The following VPS39 variants were observed in gnomAD, a reference collection of about 807,000 sequenced individuals.
The protein encoded by VPS39 is vam6/Vps39-like protein.
VPS39 carries 70 observed loss-of-function variants against 121.0 expected under a neutral mutation model. That is an observed-to-expected ratio of 0.58 (90% CI 0.48 to 0.71). The LOEUF (loss-of-function observed/expected upper bound fraction) is 0.71, where lower values mean the gene tolerates loss of function less well. Ranked by LOEUF, VPS39 falls within the 30% of genes least tolerant of loss-of-function variation. The probability of loss-of-function intolerance (pLI) is 0.00; values close to 1 mark genes in which losing one functional copy is unlikely to be tolerated. For missense variants in VPS39, 818 were observed against 1,051.5 expected (o/e 0.78, Z 3.07); for synonymous variants, 378 against 398.1 (o/e 0.95, Z 0.60).
intron 12 of VPS39, 128 bp downstream of exon 12, chr15:42,169,596 G>A (rs1414699033): frequency 3.8e-6 from 4 of 1,063,558 alleles, no homozygotes; most frequent in Middle Eastern, 6.7e-4. Flanking sequence ...TTTACCCCAG[G>A]CAGACTTCCT....
rs376690393 is a variant in VPS39, at chr15:42,191,429, A to G, written c.204+67T>C. The stretch of plus-strand genomic sequence containing the variant: ...TTCAGAGTTAATAAATAACATTACC[A>G]AAGTTCTAGTCTGACAGGGTCTCAT... On this transcript the variant is annotated intron_variant, in intron 3 of 24. Transcript: ENST00000318006. The G allele has an allele frequency of 2.0e-6, 3 of 1,485,262 alleles. No individual in the cohort carries two copies. The African/African-American group carries it at 4.2e-5, about 21-fold the overall frequency. The allele number at this position is 1,485,262 out of a possible 1,614,324, so 92.0% of individuals were successfully genotyped here. A position where few individuals can be genotyped will look rare whatever the true frequency, so the allele number is the denominator to read the frequency against.
In VPS39 at chr15:42,178,257, A is replaced by T; in HGVS notation, c.921T>A (p.Leu307=). The change falls in exon 10 of 25, where the codon CTT becomes CTA. Residue 307 remains leucine (L), a synonymous_variant. Coordinates refer to ENST00000318006, the MANE Select transcript of VPS39 (RefSeq NM_015289.5). The part of the protein sequence containing the change: ...PVPMATQIQQ[L]LQDKQFELAL... Reference sequence around the variant, plus strand: ...CCAATTCAAACTGCTTGTCCTGGAGAAGTTGTTGGATTTGGGTTGCCATGG... The same window carrying T: ...CCAATTCAAACTGCTTGTCCTGGAGTAGTTGTTGGATTTGGGTTGCCATGG... 1 of 1,614,136 alleles carries T rather than the reference A, an allele frequency of 6.2e-7. No individual in the cohort carries two copies. The highest frequency in any genetic ancestry group is 8.5e-7 in the Non-Finnish European group (1 of 1,180,026).
Position 42,162,831 on chromosome 15 carries a change from T to C in VPS39, c.2176-350A>G, listed in dbSNP as rs554873730. Among the ~76,000 whole-genome samples the C allele has an allele frequency of 2.0e-5, 3 of 152,302 alleles. No homozygotes were observed. In the East Asian group the frequency reaches 5.8e-4, roughly 29 times the overall value. On this transcript the variant is annotated intron_variant, in intron 21 of 24. Coordinates refer to ENST00000318006, the MANE Select transcript of VPS39 (RefSeq NM_015289.5). ...TTTTGCAGGTGGGGATATCCTAAGGTGAGATGCTGCATTGCCTACTGGTGC... is the reference window on the plus strand; with the variant it reads ...TTTTGCAGGTGGGGATATCCTAAGGCGAGATGCTGCATTGCCTACTGGTGC...
chr15:42,183,103 T>G (rs1473264816), intron 8 of VPS39, among the ~76,000 whole-genome samples: 1 of 147,988 alleles, frequency 6.8e-6, no homozygotes, highest in African/African-American at 2.5e-5. Context: ...TGATGTGTTT[T>G]TTGTTTTTTT....
intron 1 of VPS39, among the ~76,000 whole-genome samples, chr15:42,207,151 G>A (rs190877398): frequency 3.3e-5 from 5 of 151,876 alleles, no homozygotes; most frequent in African/African-American, 1.2e-4. Flanking sequence ...AACAGCTGAC[G>A]CACATGGTAT....
chr15:42,204,947 G>A (rs1395518962), intron 1 of VPS39, among the ~76,000 whole-genome samples: 1 of 152,058 alleles, frequency 6.6e-6, no homozygotes, highest in Admixed American at 6.6e-5. Flanking sequence ...TCAAGTTTGA[G>A]AACCAGGCTC....
intron 18 of VPS39, 121 bp downstream of exon 18, chr15:42,164,875 A>G: frequency 6.7e-7 from 1 of 1,495,720 alleles, no homozygotes; most frequent in Non-Finnish European, 8.9e-7. Flanking sequence ...GCTCCTCTTC[A>G]GAACTTCTGC....
chr15:42,162,511 G>A (rs372868471), intron 21 of VPS39, 30 bp from the exon 22 acceptor site: 9 of 1,565,096 alleles, frequency 5.8e-6, no homozygotes, highest in Non-Finnish European at 7.8e-6. Flanking sequence ...GCTACGTCAG[G>A]CTGGCAGCAA....
chr15:42,178,692 C>A, intron 8 of VPS39, 122 bp from the exon 9 acceptor site: 1 of 1,392,826 alleles, frequency 7.2e-7, no homozygotes, highest in South Asian at 1.3e-5. Flanking sequence ...AGTCAAATAT[C>A]AAGCCAGGAT....
chr15:42,173,832 G>C lies in VPS39; in HGVS notation c.981C>G (p.Asp327Glu). The C allele has an allele frequency of 6.2e-7, 1 of 1,614,160 alleles. No homozygotes were observed. Among genetic ancestry groups the C allele is most frequent in the South Asian group, 1.1e-5 (1 of 91,088 alleles). Reference protein sequence around the residue: ...LQLAEMKDDSDSEKQQQIHHI... With the variant: ...LQLAEMKDDSESEKQQQIHHI... ...GATGAATTTGTTGCTGCTTTTCACT[G>C]TCAGAATCATCTTTCATTTCCTAAT... The change falls in exon 11 of 25, where the codon GAC becomes GAG. Residue 327 changes from aspartate (D) to glutamate (E), a missense_variant. Asp to Glu is a conservative substitution (Grantham distance 45). Coordinates refer to ENST00000318006, the MANE Select transcript of VPS39 (RefSeq NM_015289.5).
At chr15:42,163,467 C>T in intron 20 of VPS39, 72 bp from the exon 21 acceptor site, 2 of 1,597,688 alleles carry the variant, frequency 1.3e-6, no homozygotes, top group Non-Finnish European at 1.7e-6. Flanking sequence ...GTGCGTGCAG[C>T]CTGCTCGAGC....
At chr15:42,171,010 T>C (rs370386225) in intron 11 of VPS39, among the ~76,000 whole-genome samples, 6 of 152,126 alleles carry the variant, frequency 3.9e-5, no homozygotes, top group African/African-American at 1.2e-4. Context: ...GCTGGGATTA[T>C]AGGCATGAGC....
chr15:42,187,473 G>T, intron 6 of VPS39, 110 bp from the exon 7 acceptor site: 1 of 970,454 alleles, frequency 1.0e-6, no homozygotes. Flanking sequence ...ACCCTCATCG[G>T]GCACAATTCT....
At chr15:42,192,710 C>T (rs775498813) in intron 2 of VPS39, among the ~76,000 whole-genome samples, 5 of 152,290 alleles carry the variant, frequency 3.3e-5, no homozygotes, top group Middle Eastern at 6.8e-3. Context: ...ACAATTCAGA[C>T]ACTTCCTACA....
At position 42,175,708 on chromosome 15, in the gene VPS39, A is replaced by C. The variant is rs2049439243; in HGVS notation, c.961-1856T>G. ...CTCCGCTCTCCTGCTTGGTGCTTCAAAGGCTTCCAAAACCTGGTGCCAGCT... is the reference window on the plus strand; with the variant it reads ...CTCCGCTCTCCTGCTTGGTGCTTCACAGGCTTCCAAAACCTGGTGCCAGCT... On this transcript the variant is annotated intron_variant, in intron 10 of 24. Transcript: ENST00000318006. Among the ~76,000 whole-genome samples, 3 of 151,784 alleles carry C rather than the reference A, an allele frequency of 2.0e-5. No individual in the cohort carries two copies. In the South Asian group the frequency reaches 6.3e-4, roughly 32 times the overall value.
chr15:42,167,994 T>C (rs1345968442), intron 12 of VPS39, among the ~76,000 whole-genome samples: 2 of 152,360 alleles, frequency 1.3e-5, no homozygotes, highest in East Asian at 3.9e-4. Flanking sequence ...TGTACATGCA[T>C]GTAACCACCT....
At chr15:42,203,984 A>C (rs2050118823) in intron 1 of VPS39, among the ~76,000 whole-genome samples, 1 of 151,870 alleles carries the variant, frequency 6.6e-6, no homozygotes. Flanking sequence ...GCCCTAAAAA[A>C]CTCCTGACGG....
Position 42,184,702 on chromosome 15 carries a change from T to C in VPS39, c.535-2A>G. ...TTTGATGGACCCCTTTCCATCCACC[T>C]ATAGGAAGAAACAGAGTGAGTCACC... is the stretch of plus-strand genomic sequence containing the variant. On this transcript the variant is annotated splice_acceptor_variant, in intron 7 of 24. Transcript: ENST00000318006. LOFTEE classifies it high-confidence loss of function. 2 of 1,607,768 alleles carry C rather than the reference T, an allele frequency of 1.2e-6. No homozygotes were observed. Among genetic ancestry groups the C allele is most frequent in the Non-Finnish European group, 1.7e-6 (2 of 1,177,016 alleles).
intron 24 of VPS39, 99 bp from the exon 25 acceptor site, chr15:42,160,928 C>A: frequency 1.6e-6 from 2 of 1,283,238 alleles, no homozygotes; most frequent in Non-Finnish European, 2.3e-6. Flanking sequence ...GCTGGGGGGC[C>A]ATTCCAAAAG....
Sources: allele counts gnomAD v4.1 joint callset (sites outside exome capture counted in the v4.1 genomes callset), GRCh38; gene constraint gnomAD v4.1.1; transcripts MANE v1.5; gene names NCBI Gene and HGNC (gene_info 2026-07-23, HGNC 2026-07-21).